Variants in PIP4K2A observed in about 807,000 individuals in gnomAD.
The protein encoded by PIP4K2A is phosphatidylinositol-5-phosphate 4-kinase type 2 alpha, also known as phosphatidylinositol 5-phosphate 4-kinase type-2 alpha.
Under a neutral mutation model 42.9 loss-of-function variants are expected in PIP4K2A, and 14 were observed. The ratio of observed to expected loss-of-function variants is 0.33; its 90% CI spans 0.22 to 0.51. The LOEUF (loss-of-function observed/expected upper bound fraction) is 0.51, where lower values mean the gene tolerates loss of function less well. PIP4K2A is among the 20% of genes least tolerant of loss of function. The probability of loss-of-function intolerance (pLI) is 0.97; values close to 1 mark genes in which losing one functional copy is unlikely to be tolerated. For missense variants in PIP4K2A, 434 were observed against 519.8 expected, an observed-to-expected ratio of 0.83 and a Z score of 1.61; for synonymous variants, 192 against 192.2, an observed-to-expected ratio of 1.00 and a Z score of 0.01.
chr10:22,535,615 C>G lies in PIP4K2A; in HGVS notation c.*1586G>C, dbSNP rs567454783. On this transcript the variant is annotated 3_prime_UTR_variant, in exon 10 of 10. Transcript: ENST00000376573. The stretch of plus-strand genomic sequence containing the variant: ...TTGTTTTCTTTTCTGAAACTGCCCA[C>G]AAAAATCATATCATGTTTTAAACAA... 6.6e-6 allele frequency: 1 copy of G among 152,670 alleles called. No individual in the cohort carries two copies. The allele number at this position is 152,670 out of a possible 1,614,324, so 9.5% of individuals were successfully genotyped here. A position where few individuals can be genotyped will look rare whatever the true frequency, so the allele number is the denominator to read the frequency against.
intron 5 of PIP4K2A, among the ~76,000 whole-genome samples, chr10:22,570,595 C>A (rs183065513): frequency 1.3e-5 from 2 of 152,318 alleles, no homozygotes; most frequent in Admixed American, 6.5e-5. Flanking sequence ...GGTTAGGAGA[C>A]AAGCCCAGAC....
At chr10:22,679,824 A>T (rs1839625829) in intron 1 of PIP4K2A, among the ~76,000 whole-genome samples, 2 of 152,120 alleles carry the variant, frequency 1.3e-5, no homozygotes, top group African/African-American at 4.8e-5. Context: ...CCCACATACA[A>T]ATCTACAGAG....
chr10:22,576,851 G>C (rs897391197), intron 4 of PIP4K2A, among the ~76,000 whole-genome samples: 1 of 152,086 alleles, frequency 6.6e-6, no homozygotes, highest in African/African-American at 2.4e-5. Flanking sequence ...CAAGGTGGGC[G>C]GATAGCTTGA....
chr10:22,639,283 A>G (rs1838728966), intron 1 of PIP4K2A, among the ~76,000 whole-genome samples: 1 of 152,118 alleles, frequency 6.6e-6, no homozygotes, highest in Non-Finnish European at 1.5e-5. Context: ...AACAAAACCA[A>G]AAAGTGCTCA....
chr10:22,711,132 G>T (rs1414764743), intron 1 of PIP4K2A, among the ~76,000 whole-genome samples: 1 of 152,172 alleles, frequency 6.6e-6, no homozygotes, highest in Admixed American at 6.5e-5. Flanking sequence ...TCACTGATGG[G>T]TATTTTAAGT....
intron 3 of PIP4K2A, among the ~76,000 whole-genome samples, chr10:22,607,227 G>GA (rs766706294): frequency 3.7e-4 from 56 of 152,078 alleles, no homozygotes; most frequent in Non-Finnish European, 6.8e-4. Flanking sequence ...TCCTTTCTCA[G>GA]AAAAAAATGA....
At chr10:22,644,732 G>A (rs1838846978) in intron 1 of PIP4K2A, among the ~76,000 whole-genome samples, 1 of 152,250 alleles carries the variant, frequency 6.6e-6, no homozygotes, top group South Asian at 2.1e-4. Flanking sequence ...AGACAGGACA[G>A]TAGGGATCTA....
At chr10:22,658,974 C>T (rs527556977) in intron 1 of PIP4K2A, among the ~76,000 whole-genome samples, 8 of 152,288 alleles carry the variant, frequency 5.3e-5, no homozygotes, top group African/African-American at 1.9e-4. Context: ...TCTCCAGGCC[C>T]CTTGGGGCAG....
At chr10:22,591,863 T>A (rs1837521247) in intron 3 of PIP4K2A, 82 bp from the exon 4 acceptor site, 1 of 1,222,070 alleles carries the variant, frequency 8.2e-7, no homozygotes, top group Non-Finnish European at 1.1e-6. Flanking sequence ...CCAGATAATT[T>A]GTCATCATTG....
At chr10:22,539,206 CG>C (rs932234382) in intron 9 of PIP4K2A, among the ~76,000 whole-genome samples, 3 of 152,096 alleles carry the variant, frequency 2.0e-5, no homozygotes, top group African/African-American at 7.2e-5. Flanking sequence ...GGGCTGGGTC[CG>C]GGGGAGGAAT....
At chr10:22,549,875 GAAA>G (rs1836358977) in intron 7 of PIP4K2A, among the ~76,000 whole-genome samples, 1 of 74,232 alleles carries the variant, frequency 1.3e-5, no homozygotes, top group Non-Finnish European at 2.8e-5. Context: ...AAAAAAAAAA[GAAA>G]GGAAAGAAAA....
At chr10:22,580,607 ATCC>A (rs1199237481) in intron 4 of PIP4K2A, among the ~76,000 whole-genome samples, 47 of 149,624 alleles carry the variant, frequency 3.1e-4, no homozygotes, top group African/African-American at 1.1e-3. Flanking sequence ...AGTTTAAAGC[ATCC>A]TATCTATTAC....
chr10:22,685,733 G>C (rs1410262445), intron 1 of PIP4K2A, among the ~76,000 whole-genome samples: 6 of 151,864 alleles, frequency 4.0e-5, no homozygotes, highest in Non-Finnish European at 8.8e-5. Flanking sequence ...AGAGACAACA[G>C]AAGAGAAGAA....
Position 22,591,646 on chromosome 10 carries a change from G to T in PIP4K2A, c.475C>A (p.Leu159Met). 6.2e-7 allele frequency: 1 copy of T among 1,607,496 alleles called. No individual in the cohort carries two copies. The highest frequency in any genetic ancestry group is 8.5e-7 in the Non-Finnish European group (1 of 1,176,526). The change falls in exon 4 of 10, where the codon CTG becomes ATG. Residue 159 changes from leucine to methionine, a missense_variant. Physicochemically the swap from Leu to Met is conservative, Grantham distance 15 (BLOSUM62 2). Coordinates refer to ENST00000376573, the MANE Select transcript of PIP4K2A (RefSeq NM_005028.5). ...AAAATTACCTGGTGGTATTTCTTCA[G>T]GATGTTGTGCATTTCGGCCACGTCT... ...SEDVAEMHNI[L>M]KKYHQYIVEC...
At chr10:22,590,961 T>A (rs1375558331) in intron 4 of PIP4K2A, among the ~76,000 whole-genome samples, 1 of 152,238 alleles carries the variant, frequency 6.6e-6, no homozygotes, top group Non-Finnish European at 1.5e-5. Context: ...TTCATGCTCT[T>A]ATACTCCATG....
intron 1 of PIP4K2A, among the ~76,000 whole-genome samples, chr10:22,699,695 T>A (rs1185895024): frequency 1.3e-5 from 2 of 152,176 alleles, no homozygotes; most frequent in Non-Finnish European, 2.9e-5. Flanking sequence ...AACGATTACA[T>A]CTTTCTTTGG....
intron 1 of PIP4K2A, among the ~76,000 whole-genome samples, chr10:22,696,260 GTGTTTT>G (rs752101812): frequency 3.9e-5 from 6 of 152,294 alleles, no homozygotes; most frequent in East Asian, 1.9e-4. Context: ...TAAAAGAACT[GTGTTTT>G]TGTTTTTGTA....
At chr10:22,638,224 T>C (rs1216283917) in intron 1 of PIP4K2A, among the ~76,000 whole-genome samples, 1 of 152,238 alleles carries the variant, frequency 6.6e-6, no homozygotes, top group Non-Finnish European at 1.5e-5. Flanking sequence ...AAAATAAATA[T>C]AGAAAGCATT....
chr10:22,541,737 T>C, intron 8 of PIP4K2A, 67 bp downstream of exon 8: 2 of 1,486,396 alleles, frequency 1.3e-6, no homozygotes, highest in Non-Finnish European at 1.8e-6. Flanking sequence ...TAGTGCTTAC[T>C]GGTAGATAAC....
Sources: allele counts gnomAD v4.1 joint callset (sites outside exome capture counted in the v4.1 genomes callset), GRCh38; gene constraint gnomAD v4.1.1; transcripts MANE v1.5; gene names NCBI Gene and HGNC (gene_info 2026-07-23, HGNC 2026-07-21).